The following LRRFIP1 variants were observed in gnomAD, a reference collection of about 807,000 sequenced individuals.
LRRFIP1 encodes the protein LRR binding FLII interacting protein 1.
LRRFIP1 carries 62 observed loss-of-function variants against 104.4 expected under a neutral mutation model. The observed-to-expected ratio is 0.59, with a 90% CI of 0.48 to 0.73. The LOEUF is 0.73. LRRFIP1 is among the 30% of genes least tolerant of loss of function. The pLI is 0.00. For missense variants in LRRFIP1, 796 were observed against 824.5 expected (o/e 0.97, Z 0.42); for synonymous variants, 300 against 299.0 (o/e 1.00, Z -0.03).
intron 1 of LRRFIP1, among the ~76,000 whole-genome samples, chr2:237,702,715 A>G (rs2093605214): frequency 6.6e-6 from 1 of 152,128 alleles, no homozygotes; most frequent in Non-Finnish European, 1.5e-5. Flanking sequence ...AGACCGAGCT[A>G]TGCATGTCCT....
intron 8 of LRRFIP1, among the ~76,000 whole-genome samples, chr2:237,733,337 GAAAT>G (rs1162048143): frequency 5.3e-5 from 8 of 152,208 alleles, no homozygotes; most frequent in African/African-American, 1.9e-4. Context: ...CCCTGGCATA[GAAAT>G]AAAGACTCTT....
At chr2:237,660,269 A>G (rs2149457010) in intron 1 of LRRFIP1, among the ~76,000 whole-genome samples, 1 of 152,362 alleles carries the variant, frequency 6.6e-6, no homozygotes, top group South Asian at 2.1e-4. Context: ...CACACATATT[A>G]GAAGTATTCA....
intron 1 of LRRFIP1, among the ~76,000 whole-genome samples, chr2:237,638,443 C>A (rs2149296394): frequency 6.6e-6 from 1 of 152,358 alleles, no homozygotes; most frequent in Non-Finnish European, 1.5e-5. Context: ...CCGCTCACCT[C>A]CTGCTGTGTG....
rs1006000145 is a variant in LRRFIP1 at position 237,717,883 on chromosome 2, A to G, written c.249+74A>G. On this transcript the variant is annotated intron_variant, in intron 4 of 23. Transcript: ENST00000308482. The surrounding 1 kb of genome is among the most constrained non-coding windows in gnomAD (Gnocchi z 4.2). Reference sequence around the variant, plus strand: ...TACAGTGTTGAGACTTAAATGGTTTATAATGTAATTCTTACGCAGTTTAAC... The same window carrying G: ...TACAGTGTTGAGACTTAAATGGTTTGTAATGTAATTCTTACGCAGTTTAAC... The G allele has an allele frequency of 5.4e-6, 6 of 1,120,516 alleles. No individual in the cohort carries two copies. The highest frequency in any genetic ancestry group is 8.2e-6 in the Non-Finnish European group (6 of 729,360). The allele number at this position is 1,120,516 out of a possible 1,614,324, so 69.4% of individuals were successfully genotyped here.
chr2:237,688,931 A>C (rs987679480), intron 1 of LRRFIP1, among the ~76,000 whole-genome samples: 1 of 151,964 alleles, frequency 6.6e-6, no homozygotes, highest in Non-Finnish European at 1.5e-5. Flanking sequence ...ATGTTTCTAT[A>C]AAATGCCACC....
chr2:237,690,248 G>A (rs1040563734), intron 1 of LRRFIP1, among the ~76,000 whole-genome samples: 2 of 152,156 alleles, frequency 1.3e-5, no homozygotes, highest in African/African-American at 4.8e-5. Flanking sequence ...GGGGTGTTGA[G>A]TAGCTTTAGA....
intron 1 of LRRFIP1, among the ~76,000 whole-genome samples, chr2:237,635,804 G>T (rs771122423): frequency 1.3e-5 from 2 of 152,000 alleles, no homozygotes; most frequent in Non-Finnish European, 2.9e-5. Flanking sequence ...CCACAAAAAA[G>T]AAAAGAAAAA....
intron 1 of LRRFIP1, among the ~76,000 whole-genome samples, chr2:237,638,123 C>G (rs1262965043): frequency 1.3e-5 from 2 of 152,128 alleles, no homozygotes; most frequent in Non-Finnish European, 2.9e-5. Context: ...TATTGTTACA[C>G]TGTAATATAT....
intron 1 of LRRFIP1, among the ~76,000 whole-genome samples, chr2:237,658,360 C>A (rs2087203453): frequency 6.6e-6 from 1 of 152,178 alleles, no homozygotes; most frequent in Non-Finnish European, 1.5e-5. Flanking sequence ...TCAAACCTCA[C>A]CAAGTTTATC....
At chr2:237,664,543 TC>T (rs2088813329) in intron 1 of LRRFIP1, among the ~76,000 whole-genome samples, 2 of 152,370 alleles carry the variant, frequency 1.3e-5, no homozygotes, top group East Asian at 3.9e-4. Context: ...GGAGTGCTGC[TC>T]CAAGACTGAA....
Position 237,763,920 on chromosome 2 carries a change from A to G in LRRFIP1, c.1459+3715A>G, listed in dbSNP as rs371043252. The G allele has an allele frequency of 8.1e-6, 13 of 1,614,146 alleles. No individual in the cohort carries two copies. In the African/African-American group the frequency reaches 1.5e-4, roughly 18 times the overall value. On this transcript the variant is annotated intron_variant, in intron 19 of 23. Transcript: ENST00000308482. ...CTGCCCGAACATGAAAGTCCCTCACAGGACATTAGTGATGCCTGTGAAGCA... is the reference window on the plus strand; with the variant it reads ...CTGCCCGAACATGAAAGTCCCTCACGGGACATTAGTGATGCCTGTGAAGCA...
At chr2:237,629,467 CTTTTTTT>C (rs745503726) in intron 1 of LRRFIP1, among the ~76,000 whole-genome samples, 73 of 117,374 alleles carry the variant, frequency 6.2e-4, no homozygotes, top group Non-Finnish European at 6.4e-4. Context: ...TTTCTTTCTT[CTTTTTTT>C]TTTTTTTTTT....
At chr2:237,628,837 C>A (rs1033505219) in intron 1 of LRRFIP1, among the ~76,000 whole-genome samples, 2 of 152,168 alleles carry the variant, frequency 1.3e-5, no homozygotes, top group African/African-American at 4.8e-5. Flanking sequence ...TTTGCTCTTA[C>A]GGACATGTGG....
intron 1 of LRRFIP1, among the ~76,000 whole-genome samples, chr2:237,685,971 C>A (rs568666993): frequency 6.6e-6 from 1 of 152,312 alleles, no homozygotes; most frequent in East Asian, 1.9e-4. Context: ...TCTTTCCTGA[C>A]CTTGCTCTCT....
chr2:237,645,098 C>A (rs1381762302), intron 1 of LRRFIP1, among the ~76,000 whole-genome samples: 1 of 152,178 alleles, frequency 6.6e-6, no homozygotes, highest in Non-Finnish European at 1.5e-5. Context: ...ACTTAGGCTG[C>A]CCATCCTGGC....
chr2:237,722,068 C>G (rs2094554960), intron 6 of LRRFIP1: 1 of 152,190 alleles, frequency 6.6e-6, no homozygotes, highest in South Asian at 2.1e-4. Context: ...AAGCTTGAGT[C>G]CTTGAAACCA....
At chr2:237,712,077 CA>C in intron 2 of LRRFIP1, among the ~76,000 whole-genome samples, 1 of 152,294 alleles carries the variant, frequency 6.6e-6, no homozygotes, top group East Asian at 1.9e-4. Flanking sequence ...GGGGACATCC[CA>C]GAGCTCCTGC....
intron 1 of LRRFIP1, among the ~76,000 whole-genome samples, chr2:237,640,173 G>T (rs2083708697): frequency 6.6e-6 from 1 of 152,128 alleles, no homozygotes; most frequent in Non-Finnish European, 1.5e-5. Context: ...TACAGAGGGG[G>T]CCACATACCC....
At position 237,735,282 on chromosome 2, in the gene LRRFIP1, T is replaced by G. The variant is rs1263997735; in HGVS notation, c.504T>G (p.Asp168Glu). ...TTTGGTCGCAGGCGTCTGTGTTGGATGAAGGCAGCTTCGGTGGGACCCGAC... is the reference window on the plus strand; with the variant it reads ...TTTGGTCGCAGGCGTCTGTGTTGGAGGAAGGCAGCTTCGGTGGGACCCGAC... Reference protein sequence around the residue: ...PSGSYRASVLDEGSFGGTRRG... With the variant: ...PSGSYRASVLEEGSFGGTRRG... The change falls in exon 10 of 24, where the codon GAT becomes GAG. Residue 168 changes from aspartate to glutamate, a missense_variant. Asp to Glu is a conservative substitution (Grantham distance 45). Coordinates refer to ENST00000308482, the MANE Select transcript of LRRFIP1 (RefSeq NM_001137550.2). The surrounding 1 kb of genome is among the most constrained non-coding windows in gnomAD (Gnocchi z 4.6). 2 of 1,613,662 alleles carry G rather than the reference T, an allele frequency of 1.2e-6. No individual in the cohort carries two copies. The highest frequency in any genetic ancestry group is 4.5e-5 in the East Asian group (2 of 44,882).
Sources: allele counts gnomAD v4.1 joint callset (sites outside exome capture counted in the v4.1 genomes callset), GRCh38; gene constraint gnomAD v4.1.1; non-coding constraint Gnocchi (gnomAD v3.1); transcripts MANE v1.5; gene names NCBI Gene and HGNC (gene_info 2026-07-23, HGNC 2026-07-21).